GPC5: variants seen among roughly 807,000 people sequenced by gnomAD.
GPC5 encodes glypican 5.
A neutral mutation model predicts 53.9 loss-of-function variants in GPC5; 47 were observed. The ratio of observed to expected loss-of-function variants is 0.87; its 90% CI spans 0.69 to 1.11. The LOEUF (loss-of-function observed/expected upper bound fraction) is 1.11, where lower values mean the gene tolerates loss of function less well. Among genes scored for constraint, GPC5 ranks in the 50% most tolerant of loss-of-function variants. The probability of loss-of-function intolerance (pLI) is 0.00; values close to 1 mark genes in which losing one functional copy is unlikely to be tolerated. For missense variants in GPC5, 748 were observed against 713.1 expected (o/e 1.05, Z -0.56); for synonymous variants, 286 against 263.3 (o/e 1.09, Z -0.84).
chr13:91,688,183 A>G lies in GPC5; in HGVS notation c.326-5004A>G, dbSNP rs545519070. Among the ~76,000 whole-genome samples, 40 of 152,206 alleles carry G rather than the reference A, an allele frequency of 2.6e-4. 1 individual carries two copies. The South Asian group carries it at 7.9e-3, about 30-fold the overall frequency. ...CAAACAAGTAGCTAGAGTAAATTCA[A>G]TTTCTGATTTTACCAATTTTAATTA... On this transcript the variant is annotated intron_variant, in intron 2 of 7. Coordinates refer to ENST00000377067, the MANE Select transcript of GPC5 (RefSeq NM_004466.6).
At chr13:92,221,828 C>T (rs918054112) in intron 7 of GPC5, among the ~76,000 whole-genome samples, 8 of 151,946 alleles carry the variant, frequency 5.3e-5, no homozygotes, top group East Asian at 1.9e-4. Context: ...AGAACAATTA[C>T]GTTCTTGCTA....
chr13:91,598,829 G>C (rs1168251313), intron 2 of GPC5, among the ~76,000 whole-genome samples: 1 of 151,924 alleles, frequency 6.6e-6, no homozygotes, highest in African/African-American at 2.4e-5. Flanking sequence ...CTAGGGTATT[G>C]GTAGGCTCAA....
chr13:91,687,444 AC>A (rs1794743353), intron 2 of GPC5, among the ~76,000 whole-genome samples: 1 of 152,012 alleles, frequency 6.6e-6, no homozygotes, highest in Non-Finnish European at 1.5e-5. Context: ...ATTAAGATTA[AC>A]GGAATGTTAA....
At chr13:92,713,757 A>C (rs567967724) in intron 7 of GPC5, among the ~76,000 whole-genome samples, 1 of 152,112 alleles carries the variant, frequency 6.6e-6, no homozygotes, top group African/African-American at 2.4e-5. Flanking sequence ...TAAGAAATGT[A>C]TTATTTCTTA....
chr13:91,926,327 C>T (rs990071210), intron 6 of GPC5, among the ~76,000 whole-genome samples: 29 of 145,346 alleles, frequency 2.0e-4, no homozygotes, highest in Admixed American at 1.4e-4. Flanking sequence ...CACCACTGTA[C>T]TCCAGGCTGG....
At chr13:92,717,061 A>C (rs1888355769) in intron 7 of GPC5, among the ~76,000 whole-genome samples, 1 of 151,144 alleles carries the variant, frequency 6.6e-6, no homozygotes, top group Non-Finnish European at 1.5e-5. Context: ...ATTCACTCCA[A>C]ATCTGTGCTG....
intron 6 of GPC5, among the ~76,000 whole-genome samples, chr13:92,075,928 A>G (rs2041248248): frequency 6.6e-6 from 1 of 152,186 alleles, no homozygotes; most frequent in Non-Finnish European, 1.5e-5. Flanking sequence ...TTTCTTTATT[A>G]TTCTTGAAGG....
chr13:92,817,833 C>T (rs1198885151), intron 7 of GPC5, among the ~76,000 whole-genome samples: 1 of 151,828 alleles, frequency 6.6e-6, no homozygotes, highest in Non-Finnish European at 1.5e-5. Context: ...TCATAAGTCA[C>T]TCAGAAGAAC....
rs540860291 is a variant in GPC5, at chr13:91,938,445, C to G, written c.1401+30388C>G. ...CCTCATGACCCAAACACTTCCGACC[C>G]GGCCCCAACTCCAGCATTGGGGATT... is the stretch of plus-strand genomic sequence containing the variant. On this transcript the variant is annotated intron_variant, in intron 6 of 7. Coordinates refer to ENST00000377067, the MANE Select transcript of GPC5 (RefSeq NM_004466.6). Among the ~76,000 whole-genome samples, 151 of 152,232 alleles carry G rather than the reference C, an allele frequency of 9.9e-4. 1 individual carries two copies. The highest frequency in any genetic ancestry group is 3.4e-3 in the African/African-American group (143 of 41,552).
At chr13:91,449,517 G>A (rs1001438754) in intron 2 of GPC5, among the ~76,000 whole-genome samples, 10 of 151,894 alleles carry the variant, frequency 6.6e-5, no homozygotes, top group Non-Finnish European at 1.2e-4. Flanking sequence ...CTCCCCTTGC[G>A]TCCCGACCCC....
At chr13:92,831,560 G>A (rs564078600) in intron 7 of GPC5, among the ~76,000 whole-genome samples, 9 of 152,176 alleles carry the variant, frequency 5.9e-5, no homozygotes, top group African/African-American at 2.2e-4. Flanking sequence ...TTTGTATGAA[G>A]ACATCATAGA....
chr13:92,080,671 A>G (rs1289452344), intron 6 of GPC5, among the ~76,000 whole-genome samples: 1 of 152,146 alleles, frequency 6.6e-6, no homozygotes, highest in African/African-American at 2.4e-5. Flanking sequence ...CACAAGTTCT[A>G]TCTCTTTCAT....
In GPC5 at chr13:92,431,587, A is replaced by G. The variant is rs1315449612; in HGVS notation, c.1561+286598A>G. On this transcript the variant is annotated intron_variant, in intron 7 of 7. Transcript: ENST00000377067. ...TAGAAGCAAAGTCAGTGTAAAGAAGATGGAGATGGGATGAAATAGATTGTC... is the reference window on the plus strand; with the variant it reads ...TAGAAGCAAAGTCAGTGTAAAGAAGGTGGAGATGGGATGAAATAGATTGTC... Among the ~76,000 whole-genome samples the G allele has an allele frequency of 3.3e-5, 5 of 152,228 alleles. No individual in the cohort carries two copies. In the East Asian group the frequency reaches 5.8e-4, roughly 18 times the overall value.
At chr13:91,498,661 A>C (rs1472546607) in intron 2 of GPC5, among the ~76,000 whole-genome samples, 1 of 152,102 alleles carries the variant, frequency 6.6e-6, no homozygotes, top group African/African-American at 2.4e-5. Context: ...AGGAGGGTGG[A>C]AGGGAGTGAA....
chr13:92,438,446 T>C (rs1313053574), intron 7 of GPC5, among the ~76,000 whole-genome samples: 8 of 151,050 alleles, frequency 5.3e-5, no homozygotes, highest in Non-Finnish European at 1.2e-4. Context: ...AGCTTAAGCA[T>C]GGGTGACATA....
intron 4 of GPC5, among the ~76,000 whole-genome samples, chr13:91,738,761 A>C (rs2036866630): frequency 6.6e-6 from 1 of 151,444 alleles, no homozygotes; most frequent in Non-Finnish European, 1.5e-5. Flanking sequence ...TTCATTGAAC[A>C]ATATAAGAAA....
intron 6 of GPC5, among the ~76,000 whole-genome samples, chr13:91,914,356 A>G (rs2039638551): frequency 6.6e-6 from 1 of 152,196 alleles, no homozygotes; most frequent in Admixed American, 6.5e-5. Context: ...AGATTTAAGA[A>G]ACATTTTATT....
intron 5 of GPC5, among the ~76,000 whole-genome samples, chr13:91,776,068 A>C (rs1291077251): frequency 6.6e-6 from 1 of 152,208 alleles, no homozygotes; most frequent in African/African-American, 2.4e-5. Flanking sequence ...ATGTTGCCTC[A>C]GACCACCAGA....
chr13:91,854,326 T>G (rs1278867907), intron 5 of GPC5, among the ~76,000 whole-genome samples: 1 of 151,828 alleles, frequency 6.6e-6, no homozygotes, highest in African/African-American at 2.4e-5. Flanking sequence ...ACATGAAATA[T>G]GTAATAATCA....
Sources: gnomAD v4.1 joint callset for allele counts (sites outside exome capture counted in the v4.1 genomes callset) on GRCh38, gnomAD v4.1.1 for gene constraint, MANE v1.5 for transcripts, NCBI Gene and HGNC (gene_info 2026-07-23, HGNC 2026-07-21) for gene names.